MAGI2: variants seen among roughly 807,000 people sequenced by gnomAD.
MAGI2 encodes the protein membrane-associated guanylate kinase, WW and PDZ domain-containing protein 2.
MAGI2 carries 35 observed loss-of-function variants against 133.3 expected under a neutral mutation model. The ratio of observed to expected loss-of-function variants is 0.26; its 90% CI spans 0.20 to 0.35. MAGI2 has a LOEUF of 0.35. Among genes scored for constraint, MAGI2 ranks in the 10% least tolerant of loss-of-function variants. The pLI, the probability that MAGI2 is intolerant of heterozygous loss-of-function variation, is 1.00. For synonymous variants in MAGI2, 729 were observed against 710.6 expected, an observed-to-expected ratio of 1.03 and a Z score of -0.41; for missense variants, 1,636 against 1,863.4, an observed-to-expected ratio of 0.88 and a Z score of 2.25.
chr7:78,660,792 T>G (rs895306061), intron 2 of MAGI2, among the ~76,000 whole-genome samples: 20 of 152,300 alleles, frequency 1.3e-4, no homozygotes, highest in African/African-American at 4.8e-4. Context: ...ATTGTCTCTC[T>G]CCTCATAAAA....
At chr7:78,637,040 A>G (rs867197551) in intron 2 of MAGI2, among the ~76,000 whole-genome samples, 5 of 152,174 alleles carry the variant, frequency 3.3e-5, no homozygotes, top group African/African-American at 1.2e-4. Flanking sequence ...TTTCACTCAT[A>G]GCTCAGGGAA....
intron 2 of MAGI2, among the ~76,000 whole-genome samples, chr7:78,648,210 A>C (rs994296768): frequency 6.6e-6 from 1 of 152,194 alleles, no homozygotes; most frequent in African/African-American, 2.4e-5. Flanking sequence ...CAGTACAATA[A>C]ATAACAATTC....
At chr7:79,357,751 G>A (rs1371567933) in intron 1 of MAGI2, among the ~76,000 whole-genome samples, 1 of 152,116 alleles carries the variant, frequency 6.6e-6, no homozygotes, top group South Asian at 2.1e-4. Flanking sequence ...GGACCTAAGT[G>A]TATATACCTA....
intron 2 of MAGI2, among the ~76,000 whole-genome samples, chr7:78,852,233 C>T (rs142990147): frequency 2.8e-4 from 42 of 152,070 alleles, no homozygotes; most frequent in Middle Eastern, 3.4e-3. Flanking sequence ...ATTTTGTCTA[C>T]CTATATTCCA....
chr7:79,185,394 G>A (rs898372126), intron 1 of MAGI2, among the ~76,000 whole-genome samples: 1 of 151,788 alleles, frequency 6.6e-6, no homozygotes, highest in African/African-American at 2.4e-5. Context: ...GAGCTGCCAT[G>A]CTCTTATCAC....
intron 1 of MAGI2, among the ~76,000 whole-genome samples, chr7:79,094,540 G>A (rs189247509): frequency 6.6e-6 from 1 of 152,142 alleles, no homozygotes; most frequent in South Asian, 2.1e-4. Context: ...TCTCCAGAAG[G>A]TTTTCAATTT....
At chr7:79,291,414 TC>T (rs1015489253) in intron 1 of MAGI2, among the ~76,000 whole-genome samples, 6 of 152,194 alleles carry the variant, frequency 3.9e-5, no homozygotes, top group African/African-American at 1.4e-4. Context: ...GCTTTCAATT[TC>T]TTTTGTTATA....
chr7:78,963,464 A>G (rs868331787), intron 2 of MAGI2, among the ~76,000 whole-genome samples: 20 of 152,248 alleles, frequency 1.3e-4, no homozygotes, highest in Middle Eastern at 6.8e-3. Context: ...ATCTGAAAGA[A>G]AAAACATAGC....
chr7:79,180,866 AT>A (rs1265670988), intron 1 of MAGI2, among the ~76,000 whole-genome samples: 1 of 151,958 alleles, frequency 6.6e-6, no homozygotes, highest in Admixed American at 6.6e-5. Flanking sequence ...GGAGAAATTG[AT>A]CAAAACAAAA....
intron 3 of MAGI2, among the ~76,000 whole-genome samples, chr7:78,589,948 C>T (rs1803823324): frequency 6.6e-6 from 1 of 152,042 alleles, no homozygotes; most frequent in East Asian, 1.9e-4. Context: ...TTGCTTGGTT[C>T]CTTTGGAAAG....
rs556279026 is a variant in MAGI2, at chr7:78,935,928, G to A, written c.418+71162C>T. Among the ~76,000 whole-genome samples, 10 of 152,130 alleles carry A rather than the reference G, an allele frequency of 6.6e-5. No homozygotes were observed. The South Asian group carries it at 2.1e-3, about 32-fold the overall frequency. On this transcript the variant is annotated intron_variant, in intron 2 of 21. Coordinates refer to ENST00000354212, the MANE Select transcript of MAGI2 (RefSeq NM_012301.4). ...TGCAACCATCACATCCAACTTAAAAGAGACACCCAGCTGTGCTGAACTTTT... is the reference window on the plus strand; with the variant it reads ...TGCAACCATCACATCCAACTTAAAAAAGACACCCAGCTGTGCTGAACTTTT...
rs60269334 is a variant in MAGI2, at chr7:79,306,977, C to A, written c.301+146043G>T. On this transcript the variant is annotated intron_variant, in intron 1 of 21. Transcript: ENST00000354212. ...TACAGGCGACCGCCACCACACCCGG[C>A]TAATTTCTTTTTCTTTTTCTTTTTT... 5.2e-3 allele frequency among the ~76,000 whole-genome samples: 799 copies of A among 152,234 alleles called. 8 individuals carry two copies. The highest frequency in any genetic ancestry group is 0.018 in the African/African-American group (764 of 41,554).
intron 1 of MAGI2, among the ~76,000 whole-genome samples, chr7:79,305,726 A>G (rs1190407297): frequency 6.6e-6 from 1 of 152,130 alleles, no homozygotes; most frequent in East Asian, 1.9e-4. Flanking sequence ...TAGACAAAAC[A>G]GTGAGACCCT....
chr7:78,858,658 T>C (rs984729956), intron 2 of MAGI2, among the ~76,000 whole-genome samples: 1 of 152,208 alleles, frequency 6.6e-6, no homozygotes, highest in Admixed American at 6.5e-5. Context: ...TGCTGAGGAC[T>C]GCTTTACTTC....
chr7:78,510,137 T>C (rs1288871723), intron 4 of MAGI2, among the ~76,000 whole-genome samples: 1 of 152,212 alleles, frequency 6.6e-6, no homozygotes, highest in African/African-American at 2.4e-5. Context: ...TAATTTGAAA[T>C]GTAAACTTTT....
intron 1 of MAGI2, among the ~76,000 whole-genome samples, chr7:79,365,227 G>A (rs1842623278): frequency 6.6e-6 from 1 of 152,102 alleles, no homozygotes; most frequent in African/African-American, 2.4e-5. Context: ...TTTAAAAATG[G>A]TGACAATACC....
chr7:78,263,981 C>T (rs1049118609), intron 9 of MAGI2, among the ~76,000 whole-genome samples: 12 of 152,076 alleles, frequency 7.9e-5, no homozygotes, highest in Admixed American at 2.0e-4. Context: ...ACAAGCTGCT[C>T]GTTACCCTTT....
chr7:78,433,425 T>C (rs1383024098), intron 6 of MAGI2, among the ~76,000 whole-genome samples: 2 of 152,090 alleles, frequency 1.3e-5, no homozygotes, highest in Non-Finnish European at 2.9e-5. Flanking sequence ...CTTCTTGGTT[T>C]CATAGGTTTG....
At chr7:78,128,458 T>A (rs927169466) in intron 18 of MAGI2, among the ~76,000 whole-genome samples, 1 of 152,230 alleles carries the variant, frequency 6.6e-6, no homozygotes, top group East Asian at 1.9e-4. Flanking sequence ...TTATCTAAAA[T>A]TAATTGGAGG....
Sources: gnomAD v4.1 joint callset for allele counts (sites outside exome capture counted in the v4.1 genomes callset) on GRCh38, gnomAD v4.1.1 for gene constraint, MANE v1.5 for transcripts, NCBI Gene and HGNC (gene_info 2026-07-23, HGNC 2026-07-21) for gene names.